DST: variants seen among roughly 807,000 people sequenced by gnomAD.
The protein encoded by DST is dystonin, also known as bullous pemphigoid antigen.
In DST, 253 loss-of-function variants were observed where a neutral mutation model predicts 875.2. The observed-to-expected ratio is 0.29, with a 90% CI of 0.26 to 0.32. DST has a LOEUF of 0.32. Among genes scored for constraint, DST ranks in the 10% least tolerant of loss-of-function variants. DST has a pLI of 1.00. For synonymous variants in DST, 3,124 were observed against 3,197.1 expected, an observed-to-expected ratio of 0.98 and a Z score of 0.77; for missense variants, 8,287 against 9,111.6, an observed-to-expected ratio of 0.91 and a Z score of 3.68.
At chr6:56,928,052 C>A (rs1485338697) in intron 2 of DST, among the ~76,000 whole-genome samples, 1 of 152,126 alleles carries the variant, frequency 6.6e-6, no homozygotes, top group Non-Finnish European at 1.5e-5. Flanking sequence ...TTTAGGAGCT[C>A]AGAGGAGGGA....
intron 102 of DST, among the ~76,000 whole-genome samples, chr6:56,462,472 T>G (rs1032585414): frequency 1.3e-5 from 2 of 152,298 alleles, no homozygotes; most frequent in African/African-American, 2.4e-5. Context: ...TCTGCATACC[T>G]AAGCCTACCC....
At chr6:56,473,345 TG>T (rs2094993868) in intron 93 of DST, among the ~76,000 whole-genome samples, 1 of 152,328 alleles carries the variant, frequency 6.6e-6, no homozygotes, top group African/African-American at 2.4e-5. Flanking sequence ...ACACAAATTG[TG>T]TTTCTTTTTA....
At chr6:56,688,927 C>T (rs1041247105) in intron 9 of DST, among the ~76,000 whole-genome samples, 8 of 152,054 alleles carry the variant, frequency 5.3e-5, no homozygotes, top group Non-Finnish European at 7.4e-5. Flanking sequence ...AAGGCATACA[C>T]TTATGCACAT....
At chr6:56,543,345 T>G (rs1259662335) in intron 61 of DST, among the ~76,000 whole-genome samples, 1 of 152,156 alleles carries the variant, frequency 6.6e-6, no homozygotes, top group Non-Finnish European at 1.5e-5. Flanking sequence ...CTAACTGTTC[T>G]CCAGAGTAAA....
chr6:56,614,579 T>G, intron 36 of DST, 95 bp from the exon 37 acceptor site: 1 of 1,361,786 alleles, frequency 7.3e-7, no homozygotes, highest in Non-Finnish European at 9.4e-7. Context: ...GTAAAAATTT[T>G]TTTTCATCAC....
At position 56,540,133 on chromosome 6, in the gene DST, T is replaced by C. The variant is rs563104610; in HGVS notation, c.16609-3193A>G. 1.2e-4 allele frequency: 18 copies of C among 152,520 alleles called. No individual in the cohort carries two copies. The South Asian group carries it at 1.9e-3, about 16-fold the overall frequency. The allele number at this position is 152,520 out of a possible 1,614,324, so 9.4% of individuals were successfully genotyped here. Reference sequence around the variant, plus strand: ...TATCCATTTATCAATATGTGGCATCTTGCAGGGTGCTAGTCAAACCTCCAA... The same window carrying C: ...TATCCATTTATCAATATGTGGCATCCTGCAGGGTGCTAGTCAAACCTCCAA... On this transcript the variant is annotated intron_variant, in intron 61 of 103. Coordinates refer to ENST00000680361, the MANE Select transcript of DST (RefSeq NM_001374736.1).
intron 61 of DST, among the ~76,000 whole-genome samples, chr6:56,548,520 T>C (rs2097266463): frequency 6.6e-6 from 1 of 152,236 alleles, no homozygotes; most frequent in African/African-American, 2.4e-5. Context: ...TGATAAATAA[T>C]AATGTGTTAA....
chr6:56,502,130 CCT>C lies in DST; in HGVS notation c.19567-439_19567-438del, dbSNP rs1488419173. Among the ~76,000 whole-genome samples the C allele has an allele frequency of 6.6e-5, 10 of 152,090 alleles. No individual in the cohort carries two copies. In the East Asian group the frequency reaches 1.9e-3, roughly 29 times the overall value. On this transcript the variant is annotated intron_variant, in intron 78 of 103. Transcript: ENST00000680361. ...TGAAACACACACACATCTTGTATCC[CCT>C]GATAATTTTATGTTTTCTGTAGCTG...
Position 56,561,528 on chromosome 6 carries a change from T to A in DST, c.14090A>T (p.Asp4697Val). The A allele has an allele frequency of 6.2e-7, 1 of 1,613,134 alleles. No homozygotes were observed. Among genetic ancestry groups the A allele is most frequent in the Non-Finnish European group, 8.5e-7 (1 of 1,179,412 alleles). Residue 4697 changes from aspartate (D) to valine (V), a missense_variant, in exon 57 of 104, where the codon GAC (aspartate) becomes GTC (valine). Physicochemically the swap from Asp to Val is radical, Grantham distance 152 (BLOSUM62 -3). Transcript: ENST00000680361. The stretch of plus-strand genomic sequence containing the variant: ...ATAACCATGACTTATGTCAGTCATG[T>A]CCTTTTTAATGGATGTTAAACCTAG... ...ANKGLTSIKK[D>V]MTDISHGYED... is the part of the protein sequence containing the mutation.
At chr6:56,939,187 A>G (rs1214329739) in intron 2 of DST, among the ~76,000 whole-genome samples, 1 of 152,238 alleles carries the variant, frequency 6.6e-6, no homozygotes, top group Non-Finnish European at 1.5e-5. Flanking sequence ...AGAAGGACTA[A>G]TTAATTGCAT....
intron 4 of DST, among the ~76,000 whole-genome samples, chr6:56,828,021 C>A (rs2099782822): frequency 6.6e-6 from 1 of 152,192 alleles, no homozygotes; most frequent in Non-Finnish European, 1.5e-5. Context: ...CACTGATGCT[C>A]CTACTCTCTA....
chr6:56,914,978 G>A (rs1190425206), intron 2 of DST, among the ~76,000 whole-genome samples: 1 of 152,202 alleles, frequency 6.6e-6, no homozygotes, highest in East Asian at 1.9e-4. Context: ...CTGCTCTTGC[G>A]GCAGCCAGAG....
At chr6:56,486,288 G>C (rs888181703) in intron 87 of DST, among the ~76,000 whole-genome samples, 6 of 150,288 alleles carry the variant, frequency 4.0e-5, no homozygotes, top group Non-Finnish European at 5.9e-5. Flanking sequence ...GCGTGAACCC[G>C]GGAGGCAGAG....
chr6:56,470,209 G>A lies in DST; in HGVS notation c.22395C>T (p.Asp7465=). 1 of 1,612,016 alleles carries A rather than the reference G, an allele frequency of 6.2e-7. No homozygotes were observed. The highest frequency in any genetic ancestry group is 1.3e-5 in the African/African-American group (1 of 74,992). ...GAAGGGCTGCTACAAATTCATAGTAGTCAATATATCCATCGCCATCTCTGT... is the reference window on the plus strand; with the variant it reads ...GAAGGGCTGCTACAAATTCATAGTAATCAATATATCCATCGCCATCTCTGT... ...IFDRDGDGYI[D]YYEFVAALHP... is the part of the protein sequence containing the mutation. Residue 7465 remains aspartate, a synonymous_variant, in exon 96 of 104, where the codon GAC becomes GAT. Coordinates refer to ENST00000680361, the MANE Select transcript of DST (RefSeq NM_001374736.1).
At chr6:56,522,882 C>A (rs1473304989) in intron 69 of DST, among the ~76,000 whole-genome samples, 1 of 152,106 alleles carries the variant, frequency 6.6e-6, no homozygotes, top group African/African-American at 2.4e-5. Context: ...TCAAGGTAGT[C>A]TGAATTCAGA....
chr6:56,908,210 GCTACTT>G (rs1423417818), intron 2 of DST, among the ~76,000 whole-genome samples: 1 of 151,842 alleles, frequency 6.6e-6, no homozygotes, highest in African/African-American at 2.4e-5. Context: ...TCAATAAGCT[GCTACTT>G]ATAAAGTCTA....
Position 56,492,928 on chromosome 6 carries a change from A to T in DST, c.20550+6T>A. 1 of 1,599,822 alleles carries T rather than the reference A, an allele frequency of 6.3e-7. No individual in the cohort carries two copies. Among genetic ancestry groups the T allele is most frequent in the Non-Finnish European group, 8.5e-7 (1 of 1,173,098 alleles). ...GAGAATCCTATCTATTTGACTCACTACATACCTTGTGTTCGTCAATTTGAA... is the reference window on the plus strand; with the variant it reads ...GAGAATCCTATCTATTTGACTCACTTCATACCTTGTGTTCGTCAATTTGAA... On this transcript the variant is annotated splice_donor_region_variant and intron_variant, in intron 84 of 103. Transcript: ENST00000680361.
chr6:56,474,289 G>C (rs1057280327), intron 92 of DST: 2 of 252,904 alleles, frequency 7.9e-6, no homozygotes, highest in African/African-American at 4.6e-5. Flanking sequence ...TTTGAGACCA[G>C]CCTGACCAAT....
chr6:56,531,720 A>T (rs899279849), intron 64 of DST, among the ~76,000 whole-genome samples: 2 of 152,130 alleles, frequency 1.3e-5, no homozygotes, highest in African/African-American at 2.4e-5. Context: ...GGCGGCATCA[A>T]TGCAGATACT....
Sources: gnomAD v4.1 joint callset for allele counts (sites outside exome capture counted in the v4.1 genomes callset) on GRCh38, gnomAD v4.1.1 for gene constraint, MANE v1.5 for transcripts, NCBI Gene and HGNC (gene_info 2026-07-23, HGNC 2026-07-21) for gene names.